The following ARHGAP15 variants were observed in gnomAD, a reference collection of about 807,000 sequenced individuals.
The protein encoded by ARHGAP15 is Rho GTPase activating protein 15.
A neutral mutation model predicts 63.7 loss-of-function variants in ARHGAP15; 51 were observed. That is an observed-to-expected ratio of 0.80 (90% confidence interval 0.64 to 1.01). The LOEUF (loss-of-function observed/expected upper bound fraction) is 1.01. Among genes scored for constraint, ARHGAP15 ranks in the 50% least tolerant of loss-of-function variants. The probability of loss-of-function intolerance (pLI) is 0.00; values close to 1 mark genes in which losing one functional copy is unlikely to be tolerated. For missense variants in ARHGAP15, 560 were observed against 564.6 expected, an observed-to-expected ratio of 0.99 and a Z score of 0.08; for synonymous variants, 191 against 193.8, an observed-to-expected ratio of 0.99 and a Z score of 0.12.
chr2:143,148,394 T>C (rs1689678836), intron 1 of ARHGAP15, among the ~76,000 whole-genome samples: 1 of 152,060 alleles, frequency 6.6e-6, no homozygotes, highest in African/African-American at 2.4e-5. Flanking sequence ...AGAGGCTCAA[T>C]AAATATTTGA....
intron 12 of ARHGAP15, among the ~76,000 whole-genome samples, chr2:143,693,541 A>G (rs2105399457): frequency 6.6e-6 from 1 of 152,302 alleles, no homozygotes; most frequent in South Asian, 2.1e-4. Context: ...CAATCTTTTT[A>G]AAAGGGAGGA....
chr2:143,206,491 C>T (rs1480317073), intron 3 of ARHGAP15, among the ~76,000 whole-genome samples: 1 of 151,986 alleles, frequency 6.6e-6, no homozygotes, highest in Non-Finnish European at 1.5e-5. Context: ...CTCAACTTAG[C>T]ATTTTCTCTA....
At chr2:143,348,618 G>T (rs997377749) in intron 6 of ARHGAP15, among the ~76,000 whole-genome samples, 8 of 152,150 alleles carry the variant, frequency 5.3e-5, no homozygotes, top group Non-Finnish European at 1.2e-4. Context: ...GTTGCTAAAA[G>T]TGGTAAAGGT....
chr2:143,221,449 T>A (rs1449038362), intron 4 of ARHGAP15, among the ~76,000 whole-genome samples: 2 of 152,166 alleles, frequency 1.3e-5, no homozygotes, highest in African/African-American at 4.8e-5. Context: ...GAAAACAGAA[T>A]ACATTCAGCA....
intron 12 of ARHGAP15, among the ~76,000 whole-genome samples, chr2:143,673,758 G>GTGTGTGTGTGTGTGTATATATA (rs1553520615): frequency 2.3e-4 from 5 of 22,128 alleles, no homozygotes; most frequent in Non-Finnish European, 4.2e-4. Context: ...GTGTGTGTGT[G>GTGTGTGTGTGTGTGTATATATA]TATATATATA....
chr2:143,532,247 A>G (rs1694552404), intron 10 of ARHGAP15, among the ~76,000 whole-genome samples: 1 of 152,214 alleles, frequency 6.6e-6, no homozygotes, highest in African/African-American at 2.4e-5. Flanking sequence ...AACTTCCATA[A>G]GCTTTAATGG....
intron 2 of ARHGAP15, among the ~76,000 whole-genome samples, chr2:143,183,030 G>C (rs13001653): frequency 0.33 from 50,832 of 152,060 alleles, 8,676 homozygotes; most frequent in South Asian, 0.47. Context: ...GTAAAGGAGA[G>C]AGGGAAGGGC....
intron 6 of ARHGAP15, among the ~76,000 whole-genome samples, chr2:143,307,843 A>G (rs1262630721): frequency 6.6e-6 from 1 of 152,090 alleles, no homozygotes; most frequent in Non-Finnish European, 1.5e-5. Flanking sequence ...TTATGACTCC[A>G]TCTCCAAAAG....
At chr2:143,626,165 A>T (rs1456219502) in intron 12 of ARHGAP15, among the ~76,000 whole-genome samples, 1 of 152,122 alleles carries the variant, frequency 6.6e-6, no homozygotes, top group Non-Finnish European at 1.5e-5. Context: ...TGGCTCTTGC[A>T]AGGGTTTCTG....
intron 2 of ARHGAP15, among the ~76,000 whole-genome samples, chr2:143,173,747 C>A (rs1690895418): frequency 6.6e-6 from 1 of 152,024 alleles, no homozygotes; most frequent in African/African-American, 2.4e-5. Flanking sequence ...CATATTATAT[C>A]TTTGGTAGAT....
chr2:143,247,449 G>T (rs185929517), intron 5 of ARHGAP15: 30 of 152,362 alleles, frequency 2.0e-4, no homozygotes, highest in African/African-American at 6.5e-4. Context: ...CTGGCTCTGG[G>T]TCTCGTCTTT....
At chr2:143,231,069 C>CTTTTTTT (rs914904536) in intron 5 of ARHGAP15, among the ~76,000 whole-genome samples, 2 of 125,458 alleles carry the variant, frequency 1.6e-5, no homozygotes, top group African/African-American at 6.0e-5. Flanking sequence ...GATGTAATTC[C>CTTTTTTT]TTTTTTTTTT....
At chr2:143,334,904 C>T (rs2105269031) in intron 6 of ARHGAP15, among the ~76,000 whole-genome samples, 1 of 152,256 alleles carries the variant, frequency 6.6e-6, no homozygotes, top group Admixed American at 6.5e-5. Flanking sequence ...CAAATAATTG[C>T]TTCAGATCTC....
In ARHGAP15 at chr2:143,540,515, C is replaced by T. The variant is rs182728617; in HGVS notation, c.926-15893C>T. 2.1e-3 allele frequency among the ~76,000 whole-genome samples: 315 copies of T among 152,106 alleles called. 4 individuals carry two copies. The highest frequency in any genetic ancestry group is 7.5e-3 in the African/African-American group (312 of 41,518). ...GCCTGTTTTTTGCAGTGGGTGGTACCGGTTGTTTCTTTCCATGTTTAGTGC... is the reference window on the plus strand; with the variant it reads ...GCCTGTTTTTTGCAGTGGGTGGTACTGGTTGTTTCTTTCCATGTTTAGTGC... On this transcript the variant is annotated intron_variant, in intron 10 of 13. Coordinates refer to ENST00000295095, the MANE Select transcript of ARHGAP15 (RefSeq NM_018460.4).
chr2:143,250,827 T>C (rs1172220800), intron 6 of ARHGAP15, among the ~76,000 whole-genome samples: 1 of 152,090 alleles, frequency 6.6e-6, no homozygotes, highest in Non-Finnish European at 1.5e-5. Flanking sequence ...CGTTGATTAA[T>C]ATAAACACAC....
At chr2:143,361,191 C>T (rs1363997082) in intron 6 of ARHGAP15, among the ~76,000 whole-genome samples, 2 of 152,116 alleles carry the variant, frequency 1.3e-5, no homozygotes, top group Non-Finnish European at 2.9e-5. Flanking sequence ...TTTAAATGTA[C>T]TCAAGATTGA....
intron 9 of ARHGAP15, among the ~76,000 whole-genome samples, chr2:143,513,261 C>A (rs1218074014): frequency 2.6e-5 from 4 of 152,168 alleles, no homozygotes; most frequent in Non-Finnish European, 5.9e-5. Context: ...GATGCACTTG[C>A]CTGGACCACC....
intron 2 of ARHGAP15, among the ~76,000 whole-genome samples, chr2:143,195,055 C>T (rs1691836396): frequency 6.6e-6 from 1 of 152,022 alleles, no homozygotes; most frequent in South Asian, 2.1e-4. Context: ...AAAAAAAAAT[C>T]CACACTTTTT....
chr2:143,517,085 A>G (rs1459977514), intron 9 of ARHGAP15, among the ~76,000 whole-genome samples: 1 of 152,088 alleles, frequency 6.6e-6, no homozygotes, highest in African/African-American at 2.4e-5. Flanking sequence ...AGTAGCTGGG[A>G]CTACAGGCAC....
Sources: allele counts gnomAD v4.1 joint callset (sites outside exome capture counted in the v4.1 genomes callset), GRCh38; gene constraint gnomAD v4.1.1; transcripts MANE v1.5; gene names NCBI Gene and HGNC (gene_info 2026-07-23, HGNC 2026-07-21).